Variants in SHCBP1 observed in about 807,000 individuals in gnomAD.
SHCBP1 encodes SHC SH2 domain-binding protein 1.
SHCBP1 carries 60 observed loss-of-function variants against 75.1 expected under a neutral mutation model. The observed-to-expected ratio is 0.80, with a 90% CI of 0.65 to 0.99. The LOEUF is 0.99. Ranked by LOEUF, SHCBP1 falls within the 50% of genes least tolerant of loss-of-function variation. The probability of loss-of-function intolerance (pLI) is 0.00; values close to 1 mark genes in which losing one functional copy is unlikely to be tolerated. For synonymous variants in SHCBP1, 290 were observed against 293.2 expected (o/e 0.99, Z 0.11); for missense variants, 709 against 809.4 (o/e 0.88, Z 1.50).
intron 4 of SHCBP1, 96 bp downstream of exon 4, chr16:46,615,850 T>G (rs1965487772): frequency 9.4e-7 from 1 of 1,066,050 alleles, no homozygotes; most frequent in East Asian, 2.4e-5. Context: ...AAGTTTACAG[T>G]TGAGTTTTAA....
At chr16:46,620,993 C>G (rs942561365) in intron 1 of SHCBP1, 3 of 417,876 alleles carry the variant, frequency 7.2e-6, no homozygotes, top group Non-Finnish European at 1.3e-5. Context: ...CTGGCCCAAT[C>G]CAGCTCCCTC....
At chr16:46,597,008 G>A (rs1055211466) in intron 9 of SHCBP1, among the ~76,000 whole-genome samples, 2 of 152,072 alleles carry the variant, frequency 1.3e-5, no homozygotes, top group Non-Finnish European at 2.9e-5. Flanking sequence ...GATTGCAGGC[G>A]TGAGCCACCA....
At position 46,616,029 on chromosome 16, in the gene SHCBP1, A is replaced by G; in HGVS notation, c.513T>C (p.His171=). Residue 171 remains histidine (H), a synonymous_variant, in exon 4 of 13, where the codon CAT becomes CAC. Transcript: ENST00000303383. The surrounding 1 kb of genome is among the most constrained non-coding windows in gnomAD (Gnocchi z 4.4). ...CCCACAGCTCCTGCAGGGGCAACCG[A>G]TGCTCCTTCAGATCAAGGAGCTCCT... ...CMKELLDLKE[H]RLPLQELWVV... 6.2e-7 allele frequency: 1 copy of G among 1,614,198 alleles called. No individual in the cohort carries two copies. The highest frequency in any genetic ancestry group is 8.5e-7 in the Non-Finnish European group (1 of 1,180,036).
intron 1 of SHCBP1, among the ~76,000 whole-genome samples, chr16:46,619,603 C>T (rs967004487): frequency 4.6e-5 from 7 of 152,174 alleles, no homozygotes; most frequent in African/African-American, 1.4e-4. Flanking sequence ...TAATAATTTA[C>T]AACAGTGCCT....
intron 9 of SHCBP1, 56 bp from the exon 10 acceptor site, chr16:46,595,726 T>TAG: frequency 7.7e-7 from 1 of 1,292,580 alleles, no homozygotes; most frequent in South Asian, 1.2e-5. Flanking sequence ...TTTCCAATGT[T>TAG]AGAGATAGCC....
chr16:46,603,037 A>T (rs1002476315), intron 8 of SHCBP1, among the ~76,000 whole-genome samples: 1 of 152,252 alleles, frequency 6.6e-6, no homozygotes, highest in Non-Finnish European at 1.5e-5. Flanking sequence ...CATTTAGAGA[A>T]TTAAGATAAT....
At chr16:46,588,444 A>C (rs1030589798) in intron 10 of SHCBP1, among the ~76,000 whole-genome samples, 3 of 152,294 alleles carry the variant, frequency 2.0e-5, no homozygotes, top group African/African-American at 7.2e-5. Context: ...AAGAAGAAAA[A>C]AGAGAGAAGA....
At chr16:46,597,122 G>A (rs560058192) in intron 9 of SHCBP1, among the ~76,000 whole-genome samples, 5 of 152,300 alleles carry the variant, frequency 3.3e-5, no homozygotes, top group Admixed American at 2.0e-4. Context: ...CACAATTAAA[G>A]TGAGTCACAC....
At chr16:46,588,703 C>T (rs1325751610) in intron 10 of SHCBP1, among the ~76,000 whole-genome samples, 1 of 152,160 alleles carries the variant, frequency 6.6e-6, no homozygotes, top group Non-Finnish European at 1.5e-5. Context: ...CAAAAAAAGT[C>T]TAGGACCAGA....
intron 8 of SHCBP1, 55 bp from the exon 9 acceptor site, chr16:46,600,017 TGAACACTGTA>T: frequency 6.3e-7 from 1 of 1,596,056 alleles, no homozygotes; most frequent in Non-Finnish European, 8.5e-7. Flanking sequence ...CATCTAAACG[TGAACACTGTA>T]GAACAAGTTT....
intron 10 of SHCBP1, among the ~76,000 whole-genome samples, chr16:46,586,995 G>A (rs965975765): frequency 6.6e-6 from 1 of 151,936 alleles, no homozygotes; most frequent in East Asian, 1.9e-4. Flanking sequence ...GAAGATCCTG[G>A]AACATCAAAA....
At chr16:46,609,257 GC>G (rs1484525527) in intron 4 of SHCBP1, among the ~76,000 whole-genome samples, 3 of 151,966 alleles carry the variant, frequency 2.0e-5, no homozygotes, top group Non-Finnish European at 4.4e-5. Context: ...GAACTGGGAG[GC>G]CGGGGCTGCA....
In SHCBP1 at chr16:46,616,287, T is replaced by C; in HGVS notation, c.388-133A>G. ...GAGGCTTTACCCATAATATAAAGGATGAACAAGACAGGCTGCCTCTTACCC... is the reference window on the plus strand; with the variant it reads ...GAGGCTTTACCCATAATATAAAGGACGAACAAGACAGGCTGCCTCTTACCC... On this transcript the variant is annotated intron_variant, in intron 3 of 12. Coordinates refer to ENST00000303383, the MANE Select transcript of SHCBP1 (RefSeq NM_024745.5). This position sits in a 1 kb window ranked among gnomAD's most constrained non-coding sequence, Gnocchi z 4.4. 2.4e-6 allele frequency: 2 copies of C among 820,512 alleles called. No individual in the cohort carries two copies. The highest frequency in any genetic ancestry group is 5.4e-5 in the East Asian group (2 of 37,334). The allele number at this position is 820,512 out of a possible 1,614,324, so 50.8% of individuals were successfully genotyped here. A position where few individuals can be genotyped will look rare whatever the true frequency, so the allele number is the denominator to read the frequency against.
At chr16:46,600,751 G>A (rs751999679) in intron 8 of SHCBP1, among the ~76,000 whole-genome samples, 5 of 152,208 alleles carry the variant, frequency 3.3e-5, no homozygotes, top group African/African-American at 7.2e-5. Flanking sequence ...GGTGGCGCAC[G>A]CCTGTAATCC....
Position 46,607,908 on chromosome 16 carries a change from A to T in SHCBP1, c.689+389T>A, listed in dbSNP as rs948970323. On this transcript the variant is annotated intron_variant, in intron 5 of 12. Transcript: ENST00000303383. ...AAGCCAAAAAGTCTTCTATAATTCA[A>T]ATAATGTCACTGTTTTTCAAACAAT... Among the ~76,000 whole-genome samples the T allele has an allele frequency of 2.6e-5, 4 of 152,224 alleles. No individual in the cohort carries two copies. The South Asian group carries it at 8.3e-4, about 32-fold the overall frequency.
chr16:46,603,581 C>T lies in SHCBP1; in HGVS notation c.1171G>A (p.Val391Ile), dbSNP rs1329956842. ...TCAGCAATGGAGAAAGTGCCATGTACCACATAATGGCCAGGACAAACAATA... is the reference window on the plus strand; with the variant it reads ...TCAGCAATGGAGAAAGTGCCATGTATCACATAATGGCCAGGACAAACAATA... ...TVIVCPGHYVVHGTFSIADSI... is the reference protein window; with the variant it reads ...TVIVCPGHYVIHGTFSIADSI... Residue 391 changes from valine to isoleucine, a missense_variant, in exon 8 of 13, where the codon GTA becomes ATA. By Grantham distance (29) the Val-to-Ile change is conservative. Transcript: ENST00000303383. 6.2e-7 allele frequency: 1 copy of T among 1,614,040 alleles called. No individual in the cohort carries two copies. Among genetic ancestry groups the T allele is most frequent in the Admixed American group, 1.7e-5 (1 of 59,998 alleles).
At chr16:46,590,362 C>A (rs1170418237) in intron 10 of SHCBP1, among the ~76,000 whole-genome samples, 4 of 152,130 alleles carry the variant, frequency 2.6e-5, no homozygotes, top group African/African-American at 9.7e-5. Flanking sequence ...AACAAACTAC[C>A]ATCAGAGTGA....
chr16:46,583,900 G>T, intron 11 of SHCBP1, 103 bp downstream of exon 11: 1 of 1,086,460 alleles, frequency 9.2e-7, no homozygotes, highest in Non-Finnish European at 1.3e-6. Flanking sequence ...CACTGTTTAT[G>T]CTTTTCAAAA....
At chr16:46,606,107 C>T (rs1449232956) in intron 5 of SHCBP1, among the ~76,000 whole-genome samples, 1 of 152,012 alleles carries the variant, frequency 6.6e-6, no homozygotes, top group Admixed American at 6.6e-5. Flanking sequence ...TATCCATGCC[C>T]GTTAGCTTAT....
Sources: gnomAD v4.1 joint callset for allele counts (sites outside exome capture counted in the v4.1 genomes callset) on GRCh38, gnomAD v4.1.1 for gene constraint, Gnocchi (gnomAD v3.1) non-coding constraint, MANE v1.5 for transcripts, NCBI Gene and HGNC (gene_info 2026-07-23, HGNC 2026-07-21) for gene names.